Variants in PARP4 observed in about 807,000 individuals in gnomAD.
PARP4 encodes the protein poly(ADP-ribose) polymerase family member 4, also known as protein mono-ADP-ribosyltransferase PARP4.
A neutral mutation model predicts 187.7 loss-of-function variants in PARP4; 120 were observed. The ratio of observed to expected loss-of-function variants is 0.64; its 90% confidence interval spans 0.55 to 0.74. The LOEUF is 0.74. PARP4 is among the 30% of genes least tolerant of loss of function. The pLI is 0.00. For missense variants in PARP4, 1,836 were observed against 2,070.5 expected (o/e 0.89, Z 2.20); for synonymous variants, 654 against 740.9 (o/e 0.88, Z 1.90).
At position 24,486,056 on chromosome 13, in the gene PARP4, G is replaced by A. The variant is rs899393829; in HGVS notation, c.1352+112C>T. ...TTCTCCAGAATGCAGTAAGCTAGCT[G>A]ATTTTAACTGAAAAGACTCACGTAA... On this transcript the variant is annotated intron_variant, in intron 11 of 33. Coordinates refer to ENST00000381989, the MANE Select transcript of PARP4 (RefSeq NM_006437.4). 2.4e-5 allele frequency: 21 copies of A among 883,308 alleles called. No individual in the cohort carries two copies. In the African/African-American group the frequency reaches 3.2e-4, roughly 14 times the overall value. 54.7% of individuals were successfully genotyped at this position (883,308 alleles called of 1,614,324 possible).
chr13:24,505,878 G>C (rs1422175812), intron 1 of PARP4, among the ~76,000 whole-genome samples: 1 of 152,222 alleles, frequency 6.6e-6, no homozygotes, highest in Non-Finnish European at 1.5e-5. Flanking sequence ...TGTTAGCTTG[G>C]GCAGGCAGGT....
chr13:24,449,211 AC>A (rs973859428), intron 25 of PARP4, among the ~76,000 whole-genome samples: 3 of 152,174 alleles, frequency 2.0e-5, no homozygotes, highest in African/African-American at 7.2e-5. Flanking sequence ...ACACAGTGAA[AC>A]CCCATCTCTA....
chr13:24,438,123 T>A (rs952913066), intron 30 of PARP4, among the ~76,000 whole-genome samples: 4 of 152,190 alleles, frequency 2.6e-5, no homozygotes, highest in African/African-American at 4.8e-5. Context: ...AGTTCACAAT[T>A]GCTTATTTTG....
At chr13:24,494,780 G>A in intron 6 of PARP4, 58 bp from the exon 7 acceptor site, 1 of 1,228,252 alleles carries the variant, frequency 8.1e-7, no homozygotes, top group Non-Finnish European at 1.1e-6. Context: ...TAGCTTTATT[G>A]AACATAAATA....
At position 24,426,403 on chromosome 13, in the gene PARP4, A is replaced by G. The variant is rs1250274758; in HGVS notation, c.4979+63T>C. The G allele has an allele frequency of 6.3e-6, 8 of 1,279,174 alleles. No individual in the cohort carries two copies. The East Asian group carries it at 1.7e-4, about 27-fold the overall frequency. The allele number at this position is 1,279,174 out of a possible 1,614,324, so 79.2% of individuals were successfully genotyped here. Reference sequence around the variant, plus strand: ...AAGATAATTCCCTATAGCTGTTTCTAAGGTTTATTAAATAAATAGTTGAAA... The same window carrying G: ...AAGATAATTCCCTATAGCTGTTTCTGAGGTTTATTAAATAAATAGTTGAAA... On this transcript the variant is annotated intron_variant, in intron 33 of 33. Transcript: ENST00000381989.
At chr13:24,474,110 A>G (rs530253853) in intron 15 of PARP4, among the ~76,000 whole-genome samples, 18 of 152,296 alleles carry the variant, frequency 1.2e-4, no homozygotes, top group African/African-American at 4.1e-4. Flanking sequence ...GACTTTGACC[A>G]TTCTAGTAAG....
At chr13:24,426,806 G>A (rs1384887512) in intron 32 of PARP4, among the ~76,000 whole-genome samples, 1 of 149,842 alleles carries the variant, frequency 6.7e-6, no homozygotes, top group Non-Finnish European at 1.5e-5. Context: ...GCAGGAGAAC[G>A]GCGTGAACCC....
intron 1 of PARP4, among the ~76,000 whole-genome samples, chr13:24,508,011 C>T (rs1450632460): frequency 6.6e-6 from 1 of 152,170 alleles, no homozygotes; most frequent in African/African-American, 2.4e-5. Flanking sequence ...TGTAATTCTG[C>T]CTTTCCATAA....
intron 27 of PARP4, among the ~76,000 whole-genome samples, chr13:24,446,011 G>C (rs1157544888): frequency 1.3e-5 from 2 of 152,178 alleles, no homozygotes; most frequent in East Asian, 3.8e-4. Flanking sequence ...TTGGGAAACA[G>C]GAATTTTTTC....
At chr13:24,506,901 T>A (rs1164092949) in intron 1 of PARP4, among the ~76,000 whole-genome samples, 1 of 152,182 alleles carries the variant, frequency 6.6e-6, no homozygotes, top group Non-Finnish European at 1.5e-5. Context: ...AGGAGCCAAC[T>A]GAGGCGGGAG....
Position 24,469,026 on chromosome 13 carries a change from G to A in PARP4, c.2131C>T (p.Pro711Ser), listed in dbSNP as rs1395573368. Residue 711 changes from proline (P) to serine (S), a missense_variant and splice_region_variant, in exon 17 of 34, where the codon CCG becomes TCG. Pro to Ser is a moderately conservative substitution (Grantham distance 74). This residue lies in a region of PARP4 where 1,147 missense variants were observed against 1,214.2 expected (regional missense o/e 0.94). Coordinates refer to ENST00000381989, the MANE Select transcript of PARP4 (RefSeq NM_006437.4). Reference sequence around the variant, plus strand: ...GCGGCATGCACACCAAGCCATACCGGAGCATCCTGACTCATCAGGTAAGCG... The same window carrying A: ...GCGGCATGCACACCAAGCCATACCGAAGCATCCTGACTCATCAGGTAAGCG... ...HGAYLMSQDA[P>S]DVFTVSVGNL... The A allele has an allele frequency of 6.2e-7, 1 of 1,610,076 alleles. No homozygotes were observed. The highest frequency in any genetic ancestry group is 8.5e-7 in the Non-Finnish European group (1 of 1,176,350).
intron 2 of PARP4, among the ~76,000 whole-genome samples, chr13:24,502,627 T>C (rs954216114): frequency 1.6e-4 from 25 of 152,240 alleles, no homozygotes; most frequent in African/African-American, 6.0e-4. Flanking sequence ...GGGATGCACA[T>C]TTCACATGTT....
intron 32 of PARP4, among the ~76,000 whole-genome samples, chr13:24,430,721 T>C (rs1384286070): frequency 3.3e-5 from 5 of 152,026 alleles, no homozygotes; most frequent in African/African-American, 9.6e-5. Flanking sequence ...ACTTGCTGGG[T>C]CAAGGATGCT....
Position 24,478,093 on chromosome 13 carries a change from C to T in PARP4, c.1632G>A (p.Glu544=). 1.3e-6 allele frequency: 2 copies of T among 1,588,326 alleles called. No individual in the cohort carries two copies. Among genetic ancestry groups the T allele is most frequent in the Admixed American group, 1.8e-5 (1 of 56,062 alleles). The change falls in exon 13 of 34, where the codon GAG becomes GAA. Residue 544 remains glutamate (E), a splice_region_variant and synonymous_variant. Coordinates refer to ENST00000381989, the MANE Select transcript of PARP4 (RefSeq NM_006437.4). ...TGCTTCTTCCTTGAAATAAAAATAC[C>T]TCAAAGTCTGTGGTGACAGAGGCTG... ...SQTASVTTDF[E]DDEFVVYKTN...
intron 30 of PARP4, among the ~76,000 whole-genome samples, chr13:24,438,998 C>CATAAAT (rs57538763): frequency 0.4 from 59,858 of 151,500 alleles, 11,995 homozygotes; most frequent in African/African-American, 0.46. Context: ...TTGCAGCTAA[C>CATAAAT]ATAAACTTTC....
At chr13:24,503,224 T>C (rs113651803) in intron 2 of PARP4, among the ~76,000 whole-genome samples, 35 of 152,320 alleles carry the variant, frequency 2.3e-4, no homozygotes, top group African/African-American at 7.2e-4. Flanking sequence ...CTGCACTGCA[T>C]GTATTTCTTT....
intron 30 of PARP4, among the ~76,000 whole-genome samples, chr13:24,438,469 C>A (rs1241494484): frequency 6.6e-6 from 1 of 152,200 alleles, no homozygotes; most frequent in Non-Finnish European, 1.5e-5. Context: ...TCTGGACCCT[C>A]AGCTTCAGTG....
At chr13:24,445,103 C>T (rs1264352527) in intron 27 of PARP4, among the ~76,000 whole-genome samples, 8 of 152,144 alleles carry the variant, frequency 5.3e-5, no homozygotes, top group Non-Finnish European at 1.0e-4. Context: ...CGCCTCTGTA[C>T]GGTATGAAAC....
chr13:24,449,932 A>C (rs1871423943), intron 24 of PARP4, 115 bp from the exon 25 acceptor site: 9 of 582,702 alleles, frequency 1.5e-5, no homozygotes, highest in East Asian at 6.0e-5. Context: ...GTGGGGAAGA[A>C]TGTACTCGTG....
Sources: gnomAD v4.1 joint callset for allele counts (sites outside exome capture counted in the v4.1 genomes callset) on GRCh38, gnomAD v4.1.1 for gene constraint, gnomAD v4.1.1 regional missense constraint, MANE v1.5 for transcripts, NCBI Gene and HGNC (gene_info 2026-07-23, HGNC 2026-07-21) for gene names.